The following STPG2 variants were observed in gnomAD, a reference collection of about 807,000 sequenced individuals.
STPG2 encodes sperm-tail PG-rich repeat-containing protein 2.
In STPG2, 56 loss-of-function variants were observed where a neutral mutation model predicts 54.2. That is an observed-to-expected ratio of 1.03 (90% CI 0.83 to 1.29). The LOEUF is 1.29. Among genes scored for constraint, STPG2 ranks in the 50% most tolerant of loss-of-function variants. STPG2 has a pLI of 0.00. For synonymous variants in STPG2, 200 were observed against 181.8 expected (o/e 1.10, Z -0.81); for missense variants, 596 against 544.9 (o/e 1.09, Z -0.93).
chr4:97,610,870 T>A (rs1011691651), intron 10 of STPG2, among the ~76,000 whole-genome samples: 2 of 152,042 alleles, frequency 1.3e-5, no homozygotes, highest in Admixed American at 6.6e-5. Context: ...GCAACTGCGT[T>A]GTGAGAATAA....
intron 5 of STPG2, among the ~76,000 whole-genome samples, chr4:98,049,980 C>G (rs1182362210): frequency 6.6e-6 from 1 of 151,750 alleles, no homozygotes; most frequent in Non-Finnish European, 1.5e-5. Context: ...CTCAGAAAAG[C>G]CAGACTAGGA....
downstream of STPG2, among the ~76,000 whole-genome samples, chr4:97,558,156 G>A (rs1732125173): frequency 6.6e-6 from 1 of 152,142 alleles, no homozygotes; most frequent in Admixed American, 6.6e-5. Context: ...CATATACAGT[G>A]ACATTGTATG....
At chr4:97,756,890 C>T (rs62318590) in intron 9 of STPG2, among the ~76,000 whole-genome samples, 5,987 of 152,132 alleles carry the variant, frequency 0.039, 193 homozygotes, top group Non-Finnish European at 0.064. Context: ...ATCACTTTGA[C>T]TCCCTCTTTT....
At chr4:97,941,724 A>G (rs1474733402) in intron 8 of STPG2, among the ~76,000 whole-genome samples, 1 of 152,096 alleles carries the variant, frequency 6.6e-6, no homozygotes, top group Non-Finnish European at 1.5e-5. Context: ...AAAGTAAATA[A>G]TAAAATTAAT....
At chr4:97,678,558 GGA>G (rs1722926418) in intron 10 of STPG2, among the ~76,000 whole-genome samples, 1 of 151,692 alleles carries the variant, frequency 6.6e-6, no homozygotes, top group Non-Finnish European at 1.5e-5. Flanking sequence ...TAGTATCACA[GGA>G]ATAGACACTA....
At chr4:97,591,425 A>C (rs573718176) in intron 10 of STPG2, among the ~76,000 whole-genome samples, 1 of 152,286 alleles carries the variant, frequency 6.6e-6, no homozygotes, top group Admixed American at 6.5e-5. Flanking sequence ...GCTAAGTTAT[A>C]TATTATTTCC....
At chr4:97,534,019 C>T (rs563785670) in intron 4 of STPG2, among the ~76,000 whole-genome samples, 10 of 152,106 alleles carry the variant, frequency 6.6e-5, no homozygotes, top group African/African-American at 2.4e-4. Flanking sequence ...TTTTACATTC[C>T]TACAAGCAAC....
chr4:98,061,159 T>C (rs1053638994), intron 5 of STPG2, among the ~76,000 whole-genome samples: 2 of 152,146 alleles, frequency 1.3e-5, no homozygotes, highest in Non-Finnish European at 1.5e-5. Context: ...AATATTTACA[T>C]ACTATGCATC....
intron 9 of STPG2, among the ~76,000 whole-genome samples, chr4:97,792,038 G>A (rs1354160954): frequency 6.6e-6 from 1 of 152,202 alleles, no homozygotes; most frequent in Non-Finnish European, 1.5e-5. Flanking sequence ...CCTGTAAAGA[G>A]ATGACAATTA....
At chr4:98,124,869 C>G (rs1188468815) in intron 3 of STPG2, among the ~76,000 whole-genome samples, 1 of 152,050 alleles carries the variant, frequency 6.6e-6, no homozygotes, top group Non-Finnish European at 1.5e-5. Context: ...AGGTTTTGTT[C>G]ATTCCTTTCC....
intron 4 of STPG2, among the ~76,000 whole-genome samples, chr4:97,488,557 A>G (rs1289029015): frequency 6.6e-6 from 1 of 151,714 alleles, no homozygotes; most frequent in African/African-American, 2.4e-5. Context: ...AGTAGTGAAG[A>G]ATCAATGTTT....
At chr4:98,002,435 A>G (rs1337316186) in intron 5 of STPG2, among the ~76,000 whole-genome samples, 2 of 152,036 alleles carry the variant, frequency 1.3e-5, no homozygotes, top group Non-Finnish European at 2.9e-5. Flanking sequence ...CTTCTGCTCA[A>G]AGAAGTATAC....
chr4:98,111,111 C>T (rs372754021), intron 3 of STPG2, among the ~76,000 whole-genome samples: 34 of 151,764 alleles, frequency 2.2e-4, no homozygotes, highest in South Asian at 6.3e-4. Flanking sequence ...AGAGTCTCAG[C>T]TGAACCCACT....
chr4:97,601,400 A>G (rs1460993468), intron 10 of STPG2, among the ~76,000 whole-genome samples: 2 of 152,036 alleles, frequency 1.3e-5, no homozygotes. Context: ...TTCTTATCAA[A>G]GTTTTTAAAT....
chr4:97,777,986 G>C (rs1374615447), intron 9 of STPG2, among the ~76,000 whole-genome samples: 2 of 152,172 alleles, frequency 1.3e-5, no homozygotes, highest in Non-Finnish European at 2.9e-5. Context: ...CCCAGCATGA[G>C]CGACACAGAA....
intron 8 of STPG2, among the ~76,000 whole-genome samples, chr4:97,913,135 TTCAG>T (rs1295657588): frequency 2.0e-5 from 3 of 152,146 alleles, no homozygotes; most frequent in African/African-American, 7.2e-5. Context: ...TCAAGGAAAA[TTCAG>T]AGTTGTGACA....
At chr4:98,078,967 A>G (rs1560669394) in intron 5 of STPG2, among the ~76,000 whole-genome samples, 1 of 152,186 alleles carries the variant, frequency 6.6e-6, no homozygotes, top group Non-Finnish European at 1.5e-5. Flanking sequence ...AATAATAACC[A>G]TATTATTGCA....
At chr4:97,905,939 A>C (rs192507800) in intron 8 of STPG2, among the ~76,000 whole-genome samples, 1 of 152,194 alleles carries the variant, frequency 6.6e-6, no homozygotes, top group Non-Finnish European at 1.5e-5. Context: ...TGACGCCCTA[A>C]CATCACAATT....
At chr4:97,538,253 A>T (rs185923794) in intron 4 of STPG2, among the ~76,000 whole-genome samples, 6 of 152,310 alleles carry the variant, frequency 3.9e-5, no homozygotes, top group Non-Finnish European at 8.8e-5. Context: ...TCCGAGCTAA[A>T]GGAGGAAGTT....
Sources: gnomAD v4.1 joint callset for allele counts (sites outside exome capture counted in the v4.1 genomes callset) on GRCh38, gnomAD v4.1.1 for gene constraint, MANE v1.5 for transcripts, NCBI Gene and HGNC (gene_info 2026-07-23, HGNC 2026-07-21) for gene names.